Variants in FOXP2 observed in about 807,000 individuals in gnomAD.
FOXP2 encodes forkhead box protein P2.
Under a neutral mutation model 115.8 loss-of-function variants are expected in FOXP2, and 12 were observed. That is an observed-to-expected ratio of 0.10 (90% CI 0.07 to 0.17). The LOEUF (loss-of-function observed/expected upper bound fraction) is 0.17. Ranked by LOEUF, FOXP2 falls within the 10% of genes least tolerant of loss-of-function variation. The probability of loss-of-function intolerance (pLI) is 1.00; values close to 1 mark genes in which losing one functional copy is unlikely to be tolerated. For synonymous variants in FOXP2, 328 were observed against 297.7 expected (o/e 1.10, Z -1.05); for missense variants, 629 against 843.5 (o/e 0.75, Z 3.15).
At chr7:114,244,854 C>T (rs1049556213) in intron 1 of FOXP2, among the ~76,000 whole-genome samples, 12 of 151,922 alleles carry the variant, frequency 7.9e-5, no homozygotes, top group African/African-American at 2.7e-4. Context: ...CTCCGCCTCC[C>T]GGGTTCACGC....
At chr7:114,148,996 A>G (rs1792459068) in intron 1 of FOXP2, among the ~76,000 whole-genome samples, 1 of 152,106 alleles carries the variant, frequency 6.6e-6, no homozygotes, top group Non-Finnish European at 1.5e-5. Context: ...TTCTGCTTTT[A>G]TACAGCTTAT....
intron 1 of FOXP2, among the ~76,000 whole-genome samples, chr7:114,194,203 C>T (rs895064979): frequency 3.3e-5 from 5 of 152,026 alleles, no homozygotes; most frequent in African/African-American, 1.2e-4. Flanking sequence ...TTTTTTCTCT[C>T]TTCATTACAT....
chr7:114,103,426 A>T (rs1191761113), intron 1 of FOXP2, among the ~76,000 whole-genome samples: 1 of 151,984 alleles, frequency 6.6e-6, no homozygotes, highest in Non-Finnish European at 1.5e-5. Context: ...GTATTCTGGT[A>T]TTTATTTATT....
At chr7:114,618,174 TC>T (rs1330189795) in intron 3 of FOXP2, among the ~76,000 whole-genome samples, 1 of 152,158 alleles carries the variant, frequency 6.6e-6, no homozygotes, top group African/African-American at 2.4e-5. Context: ...TTACTCACCT[TC>T]CCCTCTACCA....
At chr7:114,490,583 C>T (rs1796994500) in intron 2 of FOXP2, among the ~76,000 whole-genome samples, 1 of 151,924 alleles carries the variant, frequency 6.6e-6, no homozygotes, top group Non-Finnish European at 1.5e-5. Context: ...TATACATGTG[C>T]CATGTTGGTG....
intron 1 of FOXP2, among the ~76,000 whole-genome samples, chr7:114,255,326 A>C (rs1234567832): frequency 6.6e-6 from 1 of 152,180 alleles, no homozygotes; most frequent in Non-Finnish European, 1.5e-5. Context: ...GCTGTCAGAC[A>C]GGGACATTTA....
chr7:114,380,890 TC>T (rs1189292427), intron 2 of FOXP2, among the ~76,000 whole-genome samples: 1 of 152,206 alleles, frequency 6.6e-6, no homozygotes, highest in Non-Finnish European at 1.5e-5. Flanking sequence ...TGCAAGCTTG[TC>T]CTTTGGACCT....
At chr7:114,637,530 C>G (rs1032706069) in intron 6 of FOXP2, among the ~76,000 whole-genome samples, 2 of 152,112 alleles carry the variant, frequency 1.3e-5, no homozygotes, top group Non-Finnish European at 2.9e-5. Flanking sequence ...AATTTTAAAA[C>G]TCTTTCAAGT....
chr7:114,571,540 T>C (rs1042119210), intron 3 of FOXP2, among the ~76,000 whole-genome samples: 37 of 151,998 alleles, frequency 2.4e-4, no homozygotes, highest in African/African-American at 8.7e-4. Context: ...TAGTCAGCGC[T>C]TCACAGTCAT....
intron 1 of FOXP2, among the ~76,000 whole-genome samples, chr7:114,140,747 C>T (rs545760348): frequency 6.6e-6 from 1 of 152,308 alleles, no homozygotes; most frequent in African/African-American, 2.4e-5. Context: ...CTTGGGTTAA[C>T]TTGCAGCAGT....
intron 3 of FOXP2, among the ~76,000 whole-genome samples, chr7:114,558,929 C>A (rs73429369): frequency 1.5e-3 from 230 of 152,252 alleles, no homozygotes; most frequent in African/African-American, 5.1e-3. Flanking sequence ...ACTGAGATGG[C>A]AATGTATACA....
chr7:114,446,948 C>T (rs1282177572), intron 2 of FOXP2, among the ~76,000 whole-genome samples: 3 of 151,886 alleles, frequency 2.0e-5, no homozygotes, highest in African/African-American at 7.3e-5. Context: ...CAGGGTTTCA[C>T]CATGTTGGCC....
intron 2 of FOXP2, among the ~76,000 whole-genome samples, chr7:114,407,947 G>A (rs777552438): frequency 1.8e-4 from 28 of 151,994 alleles, no homozygotes; most frequent in Non-Finnish European, 3.4e-4. Context: ...TGTTATTTCA[G>A]CTTAATTAAA....
chr7:114,143,555 A>G (rs1331552817), intron 1 of FOXP2, among the ~76,000 whole-genome samples: 1 of 152,098 alleles, frequency 6.6e-6, no homozygotes, highest in African/African-American at 2.4e-5. Context: ...GCTAATTGTA[A>G]TTACTAAGAA....
At chr7:114,542,883 T>G (rs1799743761) in intron 3 of FOXP2, among the ~76,000 whole-genome samples, 1 of 151,534 alleles carries the variant, frequency 6.6e-6, no homozygotes, top group Non-Finnish European at 1.5e-5. Flanking sequence ...ATCTGCCTCC[T>G]GGGTTCAAGA....
chr7:114,664,148 A>G lies in FOXP2; in HGVS notation c.1840-125A>G, dbSNP rs369570777. The G allele has an allele frequency of 3.5e-4, 400 of 1,130,080 alleles. 3 individuals are homozygous for G. In the African/African-American group the frequency reaches 3.9e-3, roughly 11 times the overall value. The allele number at this position is 1,130,080 out of a possible 1,614,324, so 70.0% of individuals were successfully genotyped here. A position where few individuals can be genotyped will look rare whatever the true frequency, so the allele number is the denominator to read the frequency against. On this transcript the variant is annotated intron_variant, in intron 15 of 16. Coordinates refer to ENST00000350908, the MANE Select transcript of FOXP2 (RefSeq NM_014491.4). ...CCAGTTAGGAATTTTTTTTCAATACATTTTCTTTTAATCCTTCTAAAATAT... is the reference window on the plus strand; with the variant it reads ...CCAGTTAGGAATTTTTTTTCAATACGTTTTCTTTTAATCCTTCTAAAATAT...
At chr7:114,644,545 G>A (rs1357871592) in intron 7 of FOXP2, 140 bp from the exon 8 acceptor site, 4 of 701,598 alleles carry the variant, frequency 5.7e-6, no homozygotes, top group Middle Eastern at 3.7e-4. Flanking sequence ...TCAATAGAAC[G>A]ATTAAATTTT....
chr7:114,152,001 G>C (rs1279354200), intron 1 of FOXP2, among the ~76,000 whole-genome samples: 2 of 152,018 alleles, frequency 1.3e-5, no homozygotes, highest in Admixed American at 1.3e-4. Flanking sequence ...TAGTGCACGC[G>C]ATTTCATTAT....
At chr7:114,489,138 C>T (rs568949105) in intron 2 of FOXP2, among the ~76,000 whole-genome samples, 2 of 152,096 alleles carry the variant, frequency 1.3e-5, no homozygotes, top group South Asian at 2.1e-4. Context: ...AAAGATCTCT[C>T]TGCTATACAC....
Sources: gnomAD v4.1 joint callset for allele counts (sites outside exome capture counted in the v4.1 genomes callset) on GRCh38, gnomAD v4.1.1 for gene constraint, MANE v1.5 for transcripts, NCBI Gene and HGNC (gene_info 2026-07-23, HGNC 2026-07-21) for gene names.